MECOM: variants seen among roughly 807,000 people sequenced by gnomAD.
MECOM encodes MDS1 and EVI1 complex locus, also known as histone-lysine N-methyltransferase MECOM.
A neutral mutation model predicts 116.3 loss-of-function variants in MECOM; 13 were observed. The observed-to-expected ratio is 0.11, with a 90% confidence interval of 0.07 to 0.18. The LOEUF (loss-of-function observed/expected upper bound fraction) is 0.18, where lower values mean the gene tolerates loss of function less well. Ranked by LOEUF, MECOM falls within the 10% of genes least tolerant of loss-of-function variation. The pLI is 1.00. For missense variants in MECOM, 1,299 were observed against 1,509.0 expected (o/e 0.86, Z 2.31); for synonymous variants, 528 against 535.2 (o/e 0.99, Z 0.19).
At chr3:169,510,275 C>T (rs554974292) in intron 1 of MECOM, among the ~76,000 whole-genome samples, 1 of 152,178 alleles carries the variant, frequency 6.6e-6, no homozygotes. Flanking sequence ...CCCCCACCCC[C>T]CTTATTTCCT....
intron 2 of MECOM, among the ~76,000 whole-genome samples, chr3:169,255,235 C>A (rs1560050717): frequency 6.6e-6 from 1 of 152,096 alleles, no homozygotes; most frequent in Non-Finnish European, 1.5e-5. Flanking sequence ...GGTACAGTAC[C>A]ATATTTCACT....
chr3:169,225,697 C>A (rs1752643196), intron 2 of MECOM, among the ~76,000 whole-genome samples: 1 of 152,216 alleles, frequency 6.6e-6, no homozygotes, highest in African/African-American at 2.4e-5. Context: ...GCAACCTGTG[C>A]CTCCTGGGTT....
chr3:169,632,849 G>T lies in MECOM; in HGVS notation c.37+30487C>A, dbSNP rs117755904. ...AAAGGTTGTAAATCAAAAGGAAAAGGCTTGGATGGACTTCCTGAACATTTT... is the reference window on the plus strand; with the variant it reads ...AAAGGTTGTAAATCAAAAGGAAAAGTCTTGGATGGACTTCCTGAACATTTT... On this transcript the variant is annotated intron_variant, in intron 1 of 16. Transcript: ENST00000651503. 1.5e-3 allele frequency among the ~76,000 whole-genome samples: 228 copies of T among 152,270 alleles called. 5 individuals are homozygous for T. In the East Asian group the frequency reaches 0.037, roughly 25 times the overall value.
At chr3:169,173,937 C>T (rs1744797465) in intron 2 of MECOM, among the ~76,000 whole-genome samples, 1 of 152,196 alleles carries the variant, frequency 6.6e-6, no homozygotes, top group African/African-American at 2.4e-5. Flanking sequence ...TTTATAAGTA[C>T]TAATGGGATT....
At position 169,378,449 on chromosome 3, in the gene MECOM, GA is replaced by G. The variant is rs780989804; in HGVS notation, c.375+2737del. Among the ~76,000 whole-genome samples, 412 of 59,466 alleles carry G rather than the reference GA, an allele frequency of 6.9e-3. 17 individuals are homozygous for G. The highest frequency in any genetic ancestry group is 0.022 in the African/African-American group (196 of 8,920). The allele number at this position is 59,466 out of a possible 152,430, so 39.0% of individuals were successfully genotyped here. A position where few individuals can be genotyped will look rare whatever the true frequency, so the allele number is the denominator to read the frequency against. ...AGAAAGAAAGAAAGAAAGAAAGAAA[GA>G]AGGAAAGCAAGCAAGCAAGCAAGCA... On this transcript the variant is annotated intron_variant, in intron 2 of 16. Transcript: ENST00000651503.
chr3:169,344,748 C>A (rs545749634), intron 2 of MECOM, among the ~76,000 whole-genome samples: 2 of 152,162 alleles, frequency 1.3e-5, no homozygotes, highest in Non-Finnish European at 2.9e-5. Context: ...GCATAGTGAA[C>A]GGCCAAGGCC....
intron 16 of MECOM, among the ~76,000 whole-genome samples, chr3:169,088,707 T>C (rs2148836933): frequency 6.6e-6 from 1 of 152,224 alleles, no homozygotes; most frequent in South Asian, 2.1e-4. Context: ...ACAAACATGA[T>C]GAACTAACTG....
intron 3 of MECOM, among the ~76,000 whole-genome samples, chr3:169,136,676 T>C (rs561551629): frequency 6.6e-6 from 1 of 152,224 alleles, no homozygotes; most frequent in South Asian, 2.1e-4. Flanking sequence ...TTGTTCATTA[T>C]ACTAGAGAAC....
chr3:169,650,439 C>A (rs1488990049), intron 1 of MECOM, among the ~76,000 whole-genome samples: 1 of 152,102 alleles, frequency 6.6e-6, no homozygotes, highest in Non-Finnish European at 1.5e-5. Flanking sequence ...GAAACTCTGA[C>A]AACTTACTTA....
intron 1 of MECOM, among the ~76,000 whole-genome samples, chr3:169,654,810 CAA>C (rs1491300895): frequency 9.6e-6 from 1 of 104,214 alleles, no homozygotes; most frequent in Non-Finnish European, 2.0e-5. Flanking sequence ...TTCCACCTAT[CAA>C]AACACACACA....
chr3:169,305,488 G>C (rs571071553), intron 2 of MECOM, among the ~76,000 whole-genome samples: 2 of 152,232 alleles, frequency 1.3e-5, no homozygotes, highest in African/African-American at 4.8e-5. Context: ...TTCCAAAGTA[G>C]CAGAAAAAAA....
At chr3:169,413,656 A>T (rs1737994302) in intron 1 of MECOM, among the ~76,000 whole-genome samples, 1 of 152,050 alleles carries the variant, frequency 6.6e-6, no homozygotes, top group Admixed American at 6.6e-5. Context: ...TCTCACTGCC[A>T]ACACAGCAGT....
At chr3:169,419,941 G>T (rs1213776409) in intron 1 of MECOM, among the ~76,000 whole-genome samples, 3 of 152,092 alleles carry the variant, frequency 2.0e-5, no homozygotes, top group Non-Finnish European at 4.4e-5. Context: ...ATCAAAAAGT[G>T]GGCAAAGGAT....
At chr3:169,360,155 T>C (rs780758857) in intron 2 of MECOM, among the ~76,000 whole-genome samples, 9 of 151,648 alleles carry the variant, frequency 5.9e-5, no homozygotes, top group Non-Finnish European at 1.2e-4. Context: ...CCTTCTAATA[T>C]CCTGTGAGTT....
chr3:169,264,473 A>G (rs987750599), intron 2 of MECOM, among the ~76,000 whole-genome samples: 2 of 152,196 alleles, frequency 1.3e-5, no homozygotes. Flanking sequence ...TTATAAATCA[A>G]TTAAAAAAAA....
intron 1 of MECOM, among the ~76,000 whole-genome samples, chr3:169,627,441 C>T (rs1335985605): frequency 6.6e-6 from 1 of 152,220 alleles, no homozygotes; most frequent in African/African-American, 2.4e-5. Flanking sequence ...ATGAAATACA[C>T]ATTGGCATCA....
At position 169,129,432 on chromosome 3, in the gene MECOM, A is replaced by T. The variant is rs1191990400; in HGVS notation, c.614-1372T>A. 4.0e-5 allele frequency among the ~76,000 whole-genome samples: 6 copies of T among 151,742 alleles called. No homozygotes were observed. The East Asian group carries it at 1.2e-3, about 30-fold the overall frequency. ...TTAGAAGAATTTTCCCAGTTTCAGT[A>T]TGAGAAGTCAAGCAGAGAGACCAAG... On this transcript the variant is annotated intron_variant, in intron 4 of 16. Transcript: ENST00000651503.
At chr3:169,237,625 AAAAAAAAAAAT>A (rs1326843193) in intron 2 of MECOM, among the ~76,000 whole-genome samples, 1 of 148,906 alleles carries the variant, frequency 6.7e-6, no homozygotes, top group East Asian at 1.9e-4. Flanking sequence ...AAAAAAAAAA[AAAAAAAAAAAT>A]GTGGCACTTA....
chr3:169,098,519 T>C (rs1190886654), intron 12 of MECOM, among the ~76,000 whole-genome samples: 1 of 152,232 alleles, frequency 6.6e-6, no homozygotes, highest in Non-Finnish European at 1.5e-5. Flanking sequence ...CTGACATGTC[T>C]AACTTCTGGC....
Sources: allele counts gnomAD v4.1 joint callset (sites outside exome capture counted in the v4.1 genomes callset), GRCh38; gene constraint gnomAD v4.1.1; transcripts MANE v1.5; gene names NCBI Gene and HGNC (gene_info 2026-07-23, HGNC 2026-07-21).